The following GRK4 variants were observed in gnomAD, a reference collection of about 807,000 sequenced individuals.
GRK4 encodes the protein G protein-coupled receptor kinase 2-like.
Under a neutral mutation model 77.9 loss-of-function variants are expected in GRK4, and 73 were observed. That is an observed-to-expected ratio of 0.94 (90% CI 0.78 to 1.14). The LOEUF (loss-of-function observed/expected upper bound fraction) is 1.14, where lower values mean the gene tolerates loss of function less well. GRK4 is among the 50% of genes most tolerant of loss of function. The pLI is 0.00. For synonymous variants in GRK4, 257 were observed against 254.4 expected (o/e 1.01, Z -0.10); for missense variants, 729 against 700.2 (o/e 1.04, Z -0.46).
At chr4:2,974,974 G>A (rs761083452) in intron 1 of GRK4, among the ~76,000 whole-genome samples, 12 of 152,182 alleles carry the variant, frequency 7.9e-5, no homozygotes, top group Non-Finnish European at 1.8e-4. Flanking sequence ...TCCATGCACA[G>A]CCTTCTTCCC....
intron 4 of GRK4, among the ~76,000 whole-genome samples, chr4:3,001,105 GTATATATATGTATATA>G (rs1729500508): frequency 7.8e-6 from 1 of 128,468 alleles, no homozygotes; most frequent in Non-Finnish European, 1.6e-5. Flanking sequence ...GTGTGTGTGT[GTATATATATGTATATA>G]TGTGTATGTG....
chr4:3,026,527 C>G (rs1187027828), intron 10 of GRK4, among the ~76,000 whole-genome samples: 1 of 152,076 alleles, frequency 6.6e-6, no homozygotes, highest in African/African-American at 2.4e-5. Flanking sequence ...CCCAGGAGTT[C>G]AAGACCAGCC....
At chr4:2,988,911 C>T (rs548822021) in intron 3 of GRK4, 72 bp downstream of exon 3, 14 of 927,334 alleles carry the variant, frequency 1.5e-5, no homozygotes, top group East Asian at 4.8e-5. Context: ...CTTGGCCAGG[C>T]GCAGTAGCTC....
intron 1 of GRK4, among the ~76,000 whole-genome samples, chr4:2,967,559 G>A (rs531077425): frequency 2.0e-5 from 3 of 151,550 alleles, no homozygotes; most frequent in Admixed American, 1.3e-4. Context: ...CACCATTCCC[G>A]GCTAATTTTT....
intron 1 of GRK4, among the ~76,000 whole-genome samples, chr4:2,970,019 A>C (rs935394032): frequency 6.6e-6 from 1 of 152,232 alleles, no homozygotes; most frequent in Non-Finnish European, 1.5e-5. Context: ...CAAGTTTTCT[A>C]GAAAGAGTTA....
At chr4:2,965,463 C>A (rs553499536) in intron 1 of GRK4, 1 of 703,022 alleles carries the variant, frequency 1.4e-6, no homozygotes, top group Non-Finnish European at 2.6e-6. Flanking sequence ...TATTTCCTTG[C>A]GTGATGGAGC....
At chr4:3,009,808 A>C in intron 7 of GRK4, 97 bp downstream of exon 7, 1 of 805,226 alleles carries the variant, frequency 1.2e-6, no homozygotes, top group Non-Finnish European at 2.1e-6. Flanking sequence ...CTCTCCCAGT[A>C]CACTGTTGCC....
chr4:3,022,475 C>T, intron 10 of GRK4, 24 bp downstream of exon 10: 7 of 1,609,690 alleles, frequency 4.3e-6, no homozygotes, highest in Non-Finnish European at 6.0e-6. Context: ...CCTTTCACAT[C>T]TAATGGGTAG....
chr4:2,985,072 T>G (rs1723887131), intron 2 of GRK4, among the ~76,000 whole-genome samples: 2 of 152,310 alleles, frequency 1.3e-5, no homozygotes, highest in South Asian at 4.1e-4. Context: ...CACTGTTAAG[T>G]ATTGTTTAGT....
intron 1 of GRK4, among the ~76,000 whole-genome samples, chr4:2,979,293 A>G (rs1578007370): frequency 1.3e-5 from 2 of 149,448 alleles, no homozygotes; most frequent in East Asian, 2.0e-4. Flanking sequence ...AATCCCAGCT[A>G]TTCTGGAGGC....
intron 1 of GRK4, among the ~76,000 whole-genome samples, chr4:2,978,757 C>T (rs919603819): frequency 1.3e-5 from 2 of 152,102 alleles, no homozygotes; most frequent in Admixed American, 6.6e-5. Context: ...CTAGCTTGGG[C>T]AACATGGCAA....
At chr4:2,964,232 G>GGA in intron 1 of GRK4, 110 bp downstream of exon 1, 1 of 944,366 alleles carries the variant, frequency 1.1e-6, no homozygotes, top group Non-Finnish European at 1.6e-6. Flanking sequence ...CGATTTCCCT[G>GGA]GAGAGCCCCG....
chr4:3,000,598 C>T (rs754828337), intron 4 of GRK4, among the ~76,000 whole-genome samples: 1 of 149,682 alleles, frequency 6.7e-6, no homozygotes, highest in Admixed American at 6.7e-5. Context: ...AACAGTCTTG[C>T]TCTGTCACCA....
Position 3,029,187 on chromosome 4 carries a change from T to C in GRK4, c.1061-14T>C. 3 of 1,583,358 alleles carry C rather than the reference T, an allele frequency of 1.9e-6. No individual in the cohort carries two copies. Among genetic ancestry groups the C allele is most frequent in the Non-Finnish European group, 2.6e-6 (3 of 1,157,608 alleles). ...AATTTAACTTAATTTCCATTTCCTG[T>C]ATTTGTTATGTAGCACCTGAAGTTG... is the stretch of plus-strand genomic sequence containing the variant. On this transcript the variant is annotated splice_polypyrimidine_tract_variant and intron_variant, in intron 11 of 15. Transcript: ENST00000398052.
At chr4:3,010,648 G>A (rs957351040) in intron 7 of GRK4, among the ~76,000 whole-genome samples, 2 of 152,286 alleles carry the variant, frequency 1.3e-5, no homozygotes, top group South Asian at 2.1e-4. Flanking sequence ...CTAGTTACCT[G>A]GAGTGATCAT....
In GRK4 at chr4:3,004,331, C is replaced by T; in HGVS notation, c.440C>T (p.Thr147Ile). 1 of 1,585,702 alleles carries T rather than the reference C, an allele frequency of 6.3e-7. No individual in the cohort carries two copies. Among genetic ancestry groups the T allele is most frequent in the Non-Finnish European group, 8.7e-7 (1 of 1,154,208 alleles). Residue 147 changes from threonine (T) to isoleucine (I), a missense_variant, in exon 5 of 16, where the codon ACT becomes ATT. By Grantham distance (89) the Thr-to-Ile change is moderately conservative (BLOSUM62 -1). Coordinates refer to ENST00000398052, the MANE Select transcript of GRK4 (RefSeq NM_182982.3). ...TCCAAAAAAGCCTTTGAGGAATGTA[C>T]TAGGTAAGTGGTTCATGCTGAGCCC... ...NPSKKAFEEC[T>I]RVAHNYLRGE...
At position 3,015,535 on chromosome 4, in the gene GRK4, C is replaced by T. The variant is rs1013896142; in HGVS notation, c.741+1707C>T. 4.6e-5 allele frequency among the ~76,000 whole-genome samples: 7 copies of T among 151,946 alleles called. No homozygotes were observed. The South Asian group carries it at 6.2e-4, about 13-fold the overall frequency. ...CTAAAAATACAAAGAATTAGCCAGG[C>T]GTGGTGGCAGGCGCCTGTAGTCCCA... On this transcript the variant is annotated intron_variant, in intron 8 of 15. Coordinates refer to ENST00000398052, the MANE Select transcript of GRK4 (RefSeq NM_182982.3).
intron 12 of GRK4, among the ~76,000 whole-genome samples, chr4:3,035,058 C>G (rs1311521986): frequency 6.6e-6 from 1 of 151,716 alleles, no homozygotes; most frequent in Non-Finnish European, 1.5e-5. Flanking sequence ...GAGATGGAGA[C>G]CACGGTGAAA....
At chr4:2,999,675 A>G (rs996742238) in intron 4 of GRK4, among the ~76,000 whole-genome samples, 13 of 152,212 alleles carry the variant, frequency 8.5e-5, no homozygotes, top group African/African-American at 3.1e-4. Context: ...AAACTATACA[A>G]CTCTTAGAGG....
Sources: gnomAD v4.1 joint callset for allele counts (sites outside exome capture counted in the v4.1 genomes callset) on GRCh38, gnomAD v4.1.1 for gene constraint, MANE v1.5 for transcripts, NCBI Gene and HGNC (gene_info 2026-07-23, HGNC 2026-07-21) for gene names.